ANKFY1: variants seen among roughly 807,000 people sequenced by gnomAD.
The protein encoded by ANKFY1 is ankyrin repeat and FYVE domain containing 1.
In ANKFY1, 47 loss-of-function variants were observed where a neutral mutation model predicts 128.3. The observed-to-expected ratio is 0.37, with a 90% confidence interval of 0.29 to 0.47. ANKFY1 has a LOEUF of 0.47. Ranked by LOEUF, ANKFY1 falls within the 20% of genes least tolerant of loss-of-function variation. The probability of loss-of-function intolerance (pLI) is 1.00; values close to 1 mark genes in which losing one functional copy is unlikely to be tolerated. For missense variants in ANKFY1, 1,222 were observed against 1,510.6 expected (o/e 0.81, Z 3.17); for synonymous variants, 553 against 601.6 (o/e 0.92, Z 1.18).
intron 8 of ANKFY1, among the ~76,000 whole-genome samples, chr17:4,195,942 G>A (rs940193165): frequency 1.3e-5 from 2 of 151,706 alleles, no homozygotes; most frequent in Non-Finnish European, 2.9e-5. Flanking sequence ...CGGGAGCCCT[G>A]CAGGAGACTG....
chr17:4,197,572 G>T lies in ANKFY1; in HGVS notation c.904C>A (p.Leu302Ile), dbSNP rs2059848807. 1.9e-6 allele frequency: 3 copies of T among 1,614,036 alleles called. No homozygotes were observed. The East Asian group carries it at 6.7e-5, about 36-fold the overall frequency. ...TTAATGAGGAAAGTGGCAGCAAAGA[G>T]ATCTCCTTGAAAAGAAATAATAGAA... ...LLHKGIQRGD[L>I]FAATFLIKNG... Residue 302 changes from leucine (L) to isoleucine (I), a missense_variant, in exon 8 of 25, where the codon CTC becomes ATC. Coordinates refer to ENST00000341657, the MANE Select transcript of ANKFY1 (RefSeq NM_001330063.2).
At position 4,173,898 on chromosome 17, in the gene ANKFY1, C is replaced by T; in HGVS notation, c.2923+11G>A. The T allele has an allele frequency of 6.2e-7, 1 of 1,610,710 alleles. No individual in the cohort carries two copies. The highest frequency in any genetic ancestry group is 8.5e-7 in the Non-Finnish European group (1 of 1,177,484). ...GATCGTTCAAGCCACTAAAGAATGACTGGGAGTTACCATTGTTTCCATTCT... is the reference window on the plus strand; with the variant it reads ...GATCGTTCAAGCCACTAAAGAATGATTGGGAGTTACCATTGTTTCCATTCT... On this transcript the variant is annotated intron_variant, in intron 20 of 24. Coordinates refer to ENST00000341657, the MANE Select transcript of ANKFY1 (RefSeq NM_001330063.2).
In ANKFY1 at chr17:4,195,120, C is replaced by A. The variant is rs768213105; in HGVS notation, c.1230G>T (p.Gln410His). Reference protein sequence around the residue: ...EGSTALWLAVQHITVSSDQSV... With the variant: ...EGSTALWLAVHHITVSSDQSV... ...ACTGGTCAGAAGACACTGTGATATGCTGCACTGCCAGCCACAGAGCCGTGC... is the reference window on the plus strand; with the variant it reads ...ACTGGTCAGAAGACACTGTGATATGATGCACTGCCAGCCACAGAGCCGTGC... The change falls in exon 10 of 25, where the codon CAG (glutamine) becomes CAT (histidine). Residue 410 changes from glutamine to histidine, a missense_variant. Gln to His is a conservative substitution (Grantham distance 24). Coordinates refer to ENST00000341657, the MANE Select transcript of ANKFY1 (RefSeq NM_001330063.2). 1.9e-6 allele frequency: 3 copies of A among 1,613,974 alleles called. No individual in the cohort carries two copies. The highest frequency in any genetic ancestry group is 1.7e-5 in the Admixed American group (1 of 60,000).
intron 1 of ANKFY1, among the ~76,000 whole-genome samples, chr17:4,252,562 A>G (rs1288594103): frequency 6.6e-6 from 1 of 151,434 alleles, no homozygotes; most frequent in Non-Finnish European, 1.5e-5. Flanking sequence ...AAAAACAAAC[A>G]AACAAAAAAA....
chr17:4,165,041 A>C lies in ANKFY1; in HGVS notation c.*2738T>G, dbSNP rs1488021322. ...ACACATCGTTCAGTGAGACACCACGAAAAAGATGACTGAAAGTTCAAAAGT... is the reference window on the plus strand; with the variant it reads ...ACACATCGTTCAGTGAGACACCACGCAAAAGATGACTGAAAGTTCAAAAGT... On this transcript the variant is annotated 3_prime_UTR_variant, in exon 25 of 25. Coordinates refer to ENST00000341657, the MANE Select transcript of ANKFY1 (RefSeq NM_001330063.2). 2 of 152,524 alleles carry C rather than the reference A, an allele frequency of 1.3e-5. No homozygotes were observed. Among genetic ancestry groups the C allele is most frequent in the African/African-American group, 4.8e-5 (2 of 41,472 alleles). The allele number at this position is 152,524 out of a possible 1,614,324, so 9.4% of individuals were successfully genotyped here. A position where few individuals can be genotyped will look rare whatever the true frequency, so the allele number is the denominator to read the frequency against.
intron 22 of ANKFY1, among the ~76,000 whole-genome samples, chr17:4,171,952 T>C (rs2059328073): frequency 6.6e-6 from 1 of 152,134 alleles, no homozygotes; most frequent in Non-Finnish European, 1.5e-5. Flanking sequence ...TACTTTTCCT[T>C]ACCCGAAAAA....
In ANKFY1 at chr17:4,164,628, G is replaced by A. The variant is rs1248406456; in HGVS notation, c.*3151C>T. On this transcript the variant is annotated 3_prime_UTR_variant, in exon 25 of 25. Transcript: ENST00000341657. The stretch of plus-strand genomic sequence containing the variant: ...GGGTGAAGCATTACATAGTTCAAAA[G>A]TGTTCTTTTTCTCCAGATAAAAGAA... 3 of 152,256 alleles carry A rather than the reference G, an allele frequency of 2.0e-5. No homozygotes were observed. The highest frequency in any genetic ancestry group is 4.4e-5 in the Non-Finnish European group (3 of 68,052). 9.4% of individuals were successfully genotyped at this position (152,256 alleles called of 1,614,324 possible). A position where few individuals can be genotyped will look rare whatever the true frequency, so the allele number is the denominator to read the frequency against.
intron 19 of ANKFY1, among the ~76,000 whole-genome samples, chr17:4,174,438 C>A (rs924601955): frequency 6.6e-6 from 1 of 152,028 alleles, no homozygotes; most frequent in East Asian, 1.9e-4. Flanking sequence ...GTAATAGGTA[C>A]AAACAGTAGA....
At chr17:4,242,134 G>A (rs1967268133) in intron 2 of ANKFY1, 122 bp downstream of exon 2, 1 of 1,017,196 alleles carries the variant, frequency 9.8e-7, no homozygotes, top group Non-Finnish European at 1.3e-6. Context: ...CTATTCTAGG[G>A]AATCGATTTG....
At chr17:4,209,996 C>T (rs1310569639) in intron 4 of ANKFY1, 49 bp from the exon 5 acceptor site, 1 of 1,562,894 alleles carries the variant, frequency 6.4e-7, no homozygotes, top group East Asian at 2.3e-5. Context: ...AAATAATTCA[C>T]AAACGAACAA....
At chr17:4,197,639 A>C in intron 7 of ANKFY1, 62 bp from the exon 8 acceptor site, 1 of 1,480,900 alleles carries the variant, frequency 6.8e-7, no homozygotes, top group Non-Finnish European at 9.3e-7. Flanking sequence ...GTGCTTCTTC[A>C]AGAGGGAGCA....
chr17:4,172,535 T>TACCCAGCCCTTGGTACAC, intron 22 of ANKFY1, 21 bp downstream of exon 22: 1 of 1,609,138 alleles, frequency 6.2e-7, no homozygotes, highest in Non-Finnish European at 8.5e-7. Context: ...AGACGGGACA[T>TACCCAGCCCTTGGTACAC]ACCCAGCCCT....
chr17:4,203,837 AAAAAAAAG>A (rs1007299515), intron 7 of ANKFY1, among the ~76,000 whole-genome samples: 14 of 141,906 alleles, frequency 9.9e-5, no homozygotes, highest in African/African-American at 2.6e-4. Context: ...CAAAAAAAAA[AAAAAAAAG>A]AAAGAAAGAA....
chr17:4,245,018 C>T (rs1967461516), intron 1 of ANKFY1, among the ~76,000 whole-genome samples: 1 of 152,038 alleles, frequency 6.6e-6, no homozygotes, highest in African/African-American at 2.4e-5. Context: ...CACCTATGAC[C>T]CTCTAGTTGC....
chr17:4,194,007 C>T (rs1377980484), intron 10 of ANKFY1, among the ~76,000 whole-genome samples: 1 of 151,048 alleles, frequency 6.6e-6, no homozygotes, highest in African/African-American at 2.4e-5. Context: ...ATCCACCGGC[C>T]TCAGCCTCCC....
chr17:4,258,994 A>G (rs1968269107), intron 1 of ANKFY1, among the ~76,000 whole-genome samples: 1 of 152,210 alleles, frequency 6.6e-6, no homozygotes, highest in African/African-American at 2.4e-5. Context: ...GAGTGATTTT[A>G]GAGGAGACTC....
At chr17:4,206,631 T>G (rs767795785) in intron 6 of ANKFY1, 145 bp from the exon 7 acceptor site, 44 of 704,556 alleles carry the variant, frequency 6.2e-5, no homozygotes, top group Non-Finnish European at 8.9e-5. Context: ...CAAATTCAAC[T>G]TTATTCACAA....
intron 3 of ANKFY1, among the ~76,000 whole-genome samples, 168 bp downstream of exon 3, chr17:4,235,604 A>G (rs1193074892): frequency 1.3e-5 from 2 of 152,254 alleles, no homozygotes; most frequent in East Asian, 3.8e-4. Flanking sequence ...AGTACCTAAA[A>G]GTACAACCTG....
chr17:4,205,673 C>T (rs531431261), intron 7 of ANKFY1, among the ~76,000 whole-genome samples: 1 of 150,682 alleles, frequency 6.6e-6, no homozygotes, highest in African/African-American at 2.4e-5. Context: ...ACCCAGGAGG[C>T]GGAGCTTGCC....
Sources: allele counts gnomAD v4.1 joint callset (sites outside exome capture counted in the v4.1 genomes callset), GRCh38; gene constraint gnomAD v4.1.1; transcripts MANE v1.5; gene names NCBI Gene and HGNC (gene_info 2026-07-23, HGNC 2026-07-21).